The following SLC35D2 variants were observed in gnomAD, a reference collection of about 807,000 sequenced individuals.
The protein encoded by SLC35D2 is nucleotide sugar transporter SLC35D2.
Under a neutral mutation model 41.8 loss-of-function variants are expected in SLC35D2, and 43 were observed. The ratio of observed to expected loss-of-function variants is 1.03; its 90% CI spans 0.81 to 1.33. SLC35D2 has a LOEUF of 1.33. Among genes scored for constraint, SLC35D2 ranks in the 40% most tolerant of loss-of-function variants. SLC35D2 has a pLI of 0.00. For synonymous variants in SLC35D2, 150 were observed against 163.9 expected (o/e 0.92, Z 0.65); for missense variants, 380 against 408.4 (o/e 0.93, Z 0.60).
In SLC35D2 at chr9:96,320,777, CA is replaced by C. The variant is rs1333923756; in HGVS notation, c.*464del. 1 of 152,492 alleles carries C rather than the reference CA, an allele frequency of 6.6e-6. No individual in the cohort carries two copies. The highest frequency in any genetic ancestry group is 6.5e-5 in the Admixed American group (1 of 15,288). The allele number at this position is 152,492 out of a possible 1,614,324, so 9.4% of individuals were successfully genotyped here. On this transcript the variant is annotated 3_prime_UTR_variant, in exon 12 of 12. Coordinates refer to ENST00000253270, the MANE Select transcript of SLC35D2 (RefSeq NM_007001.3). ...CCAACATAGCTTTCATCAAAGCTAA[CA>C]AATAACTTTACTGGCAGTTAACTAA...
At chr9:96,379,958 C>T (rs994708759) in intron 1 of SLC35D2, among the ~76,000 whole-genome samples, 3 of 145,816 alleles carry the variant, frequency 2.1e-5, no homozygotes, top group Admixed American at 6.9e-5. Context: ...AGTGCGATGG[C>T]GTGGTCTCAG....
At chr9:96,319,085 G>A (rs1222754866), downstream of SLC35D2, among the ~76,000 whole-genome samples, 1 of 152,174 alleles carries the variant, frequency 6.6e-6, no homozygotes, top group Non-Finnish European at 1.5e-5. Flanking sequence ...TAGCAGCATT[G>A]TTCATAATAG....
chr9:96,374,328 GAT>G (rs1396100432), intron 1 of SLC35D2, among the ~76,000 whole-genome samples: 1 of 152,148 alleles, frequency 6.6e-6, no homozygotes, highest in Non-Finnish European at 1.5e-5. Flanking sequence ...GAGGTCAAGA[GAT>G]AGAGACTATC....
chr9:96,368,204 A>G, intron 2 of SLC35D2, 68 bp downstream of exon 2: 1 of 1,298,108 alleles, frequency 7.7e-7, no homozygotes, highest in Non-Finnish European at 1.1e-6. Context: ...TTTAAACAAA[A>G]GGACTTAAAA....
intron 2 of SLC35D2, among the ~76,000 whole-genome samples, chr9:96,367,745 G>A (rs950290154): frequency 6.6e-5 from 10 of 150,990 alleles, no homozygotes; most frequent in South Asian, 2.1e-4. Context: ...TTGTGCCATC[G>A]CACTCCAGTC....
intron 7 of SLC35D2, 51 bp downstream of exon 7, chr9:96,345,248 A>G: frequency 1.1e-6 from 1 of 899,974 alleles, no homozygotes; most frequent in Non-Finnish European, 1.8e-6. Flanking sequence ...TTTTCATATA[A>G]TTCTAGGGGC....
intron 8 of SLC35D2, among the ~76,000 whole-genome samples, chr9:96,339,573 G>A (rs1051336145): frequency 6.6e-6 from 1 of 151,968 alleles, no homozygotes; most frequent in Non-Finnish European, 1.5e-5. Context: ...CAACAATAAA[G>A]CCCTTCTTCC....
chr9:96,331,921 G>A (rs1035332037), intron 9 of SLC35D2, among the ~76,000 whole-genome samples: 3 of 152,124 alleles, frequency 2.0e-5, no homozygotes, highest in Non-Finnish European at 4.4e-5. Context: ...GATAATCTGA[G>A]GTGGAAGAGT....
At chr9:96,359,195 T>A (rs1447390744) in intron 4 of SLC35D2, among the ~76,000 whole-genome samples, 1 of 150,502 alleles carries the variant, frequency 6.6e-6, no homozygotes, top group Non-Finnish European at 1.5e-5. Flanking sequence ...TCCCAGCTAC[T>A]GGGGAGGCTG....
chr9:96,327,630 T>C (rs541119109), intron 9 of SLC35D2, among the ~76,000 whole-genome samples: 79 of 151,880 alleles, frequency 5.2e-4, no homozygotes, highest in African/African-American at 1.8e-3. Flanking sequence ...TTTTCTTTTT[T>C]TTTTTTTTAA....
At position 96,345,351 on chromosome 9, in the gene SLC35D2, T is replaced by C. The variant is rs373030664; in HGVS notation, c.539A>G (p.Asp180Gly). 1.9e-6 allele frequency: 3 copies of C among 1,611,972 alleles called. No individual in the cohort carries two copies. The highest frequency in any genetic ancestry group is 2.7e-5 in the African/African-American group (2 of 74,816). Residue 180 changes from aspartate (D) to glycine (G), a missense_variant, in exon 7 of 12, where the codon GAT becomes GGT. Transcript: ENST00000253270. The part of the protein sequence containing the change: ...LEGYIFVFLN[D>G]IFTAANGVYT... ...AACTCCATTTGCTGCTGTGAAGATATCATTCAGGAATACAAAAATATAGCC... is the reference window on the plus strand; with the variant it reads ...AACTCCATTTGCTGCTGTGAAGATACCATTCAGGAATACAAAAATATAGCC...
intron 4 of SLC35D2, among the ~76,000 whole-genome samples, chr9:96,357,140 T>C (rs1342762281): frequency 6.6e-6 from 1 of 151,412 alleles, no homozygotes; most frequent in Non-Finnish European, 1.5e-5. Context: ...ATCGTGCCAT[T>C]GCACTCCAGC....
chr9:96,355,234 G>T (rs1160417905), intron 4 of SLC35D2, among the ~76,000 whole-genome samples: 1 of 151,574 alleles, frequency 6.6e-6, no homozygotes, highest in East Asian at 2.0e-4. Flanking sequence ...AGCAGGCTGG[G>T]TCTCAAACTC....
At chr9:96,381,550 C>T (rs1831199270) in intron 1 of SLC35D2, among the ~76,000 whole-genome samples, 1 of 152,220 alleles carries the variant, frequency 6.6e-6, no homozygotes. Context: ...GCTCACACTG[C>T]ATACTCTCCC....
At position 96,363,058 on chromosome 9, in the gene SLC35D2, G is replaced by A. The variant is rs113833175; in HGVS notation, c.279+1406C>T. Among the ~76,000 whole-genome samples, 375 of 151,976 alleles carry A rather than the reference G, an allele frequency of 2.5e-3. 1 individual carries two copies. Among genetic ancestry groups the A allele is most frequent in the African/African-American group, 8.4e-3 (348 of 41,480 alleles). On this transcript the variant is annotated intron_variant, in intron 3 of 11. Transcript: ENST00000253270. Reference sequence around the variant, plus strand: ...ATTTTTTTGTATATTCAGTAGAGACGGGGTTTCACCATGTTGGCCAGGCTG... The same window carrying A: ...ATTTTTTTGTATATTCAGTAGAGACAGGGTTTCACCATGTTGGCCAGGCTG...
At chr9:96,365,121 A>G (rs1830425890) in intron 2 of SLC35D2, among the ~76,000 whole-genome samples, 1 of 151,316 alleles carries the variant, frequency 6.6e-6, no homozygotes, top group Admixed American at 6.6e-5. Flanking sequence ...TGGGAAGCTG[A>G]GGTGGGAAGA....
intron 3 of SLC35D2, among the ~76,000 whole-genome samples, chr9:96,361,639 T>TGTAC (rs1238146726): frequency 1.3e-5 from 2 of 151,710 alleles, no homozygotes; most frequent in African/African-American, 4.8e-5. Context: ...GAGCTGTGGA[T>TGTAC]GTACCACTGT....
At chr9:96,330,229 G>T (rs1317233742) in intron 9 of SLC35D2, among the ~76,000 whole-genome samples, 2 of 152,216 alleles carry the variant, frequency 1.3e-5, no homozygotes, top group African/African-American at 4.8e-5. Flanking sequence ...CAATTGGCTG[G>T]TGCCTGCCAA....
chr9:96,324,129 T>C lies in SLC35D2; in HGVS notation c.793A>G (p.Asn265Asp). ...MYSTVLCSYYNSALTTAVVGA... is the reference protein window; with the variant it reads ...MYSTVLCSYYDSALTTAVVGA... ...ACCACTGCTGTCGTCAGGGCTGAAT[T>C]GTAATAGCTGCACAGAACCGTGGAG... The change falls in exon 10 of 12, where the codon AAT becomes GAT. Residue 265 changes from asparagine to aspartate, a missense_variant. Coordinates refer to ENST00000253270, the MANE Select transcript of SLC35D2 (RefSeq NM_007001.3). 6.2e-7 allele frequency: 1 copy of C among 1,614,000 alleles called. No homozygotes were observed. Among genetic ancestry groups the C allele is most frequent in the East Asian group, 2.2e-5 (1 of 44,876 alleles).
Sources: allele counts gnomAD v4.1 joint callset (sites outside exome capture counted in the v4.1 genomes callset), GRCh38; gene constraint gnomAD v4.1.1; transcripts MANE v1.5; gene names NCBI Gene and HGNC (gene_info 2026-07-23, HGNC 2026-07-21).